The following MGLL variants were observed in gnomAD, a reference collection of about 807,000 sequenced individuals.
MGLL encodes the protein monoglyceride lipase.
Under a neutral mutation model 29.1 loss-of-function variants are expected in MGLL, and 7 were observed. That is an observed-to-expected ratio of 0.24 (90% CI 0.14 to 0.45). The LOEUF is 0.45. Ranked by LOEUF, MGLL falls within the 20% of genes least tolerant of loss-of-function variation. The probability of loss-of-function intolerance (pLI) is 0.99; values close to 1 mark genes in which losing one functional copy is unlikely to be tolerated. For synonymous variants in MGLL, 148 were observed against 168.3 expected, an observed-to-expected ratio of 0.88 and a Z score of 0.93; for missense variants, 356 against 413.6, an observed-to-expected ratio of 0.86 and a Z score of 1.21.
At chr3:127,755,932 T>C (rs139689288) in intron 3 of MGLL, among the ~76,000 whole-genome samples, 1 of 152,320 alleles carries the variant, frequency 6.6e-6, no homozygotes, top group East Asian at 1.9e-4. Flanking sequence ...AGACTGGCAA[T>C]GTGCTTGGGC....
At chr3:127,799,357 A>G (rs1385826310) in intron 2 of MGLL, 1 of 152,164 alleles carries the variant, frequency 6.6e-6, no homozygotes, top group African/African-American at 2.4e-5. Context: ...CCAACTTCGA[A>G]TCTGCACTTT....
intron 6 of MGLL, among the ~76,000 whole-genome samples, chr3:127,698,111 C>A (rs1364610836): frequency 6.6e-6 from 1 of 152,206 alleles, no homozygotes; most frequent in Non-Finnish European, 1.5e-5. Context: ...ATCACGTAGG[C>A]CCTGTTTACA....
intron 3 of MGLL, chr3:127,736,461 G>A (rs752084232): frequency 2.1e-4 from 126 of 601,552 alleles, no homozygotes; most frequent in Non-Finnish European, 6.5e-5. Flanking sequence ...AAATGGCTCC[G>A]CTGCCCTGGA....
At chr3:127,716,156 G>A (rs998475607) in intron 5 of MGLL, among the ~76,000 whole-genome samples, 1 of 152,252 alleles carries the variant, frequency 6.6e-6, no homozygotes, top group Non-Finnish European at 1.5e-5. Context: ...ACAGTCACTA[G>A]ACCCCAACCC....
rs546108427 is a variant in MGLL at position 127,753,504 on chromosome 3, G to A, written c.262+28285C>T. 1.4e-3 allele frequency among the ~76,000 whole-genome samples: 206 copies of A among 152,282 alleles called. 1 individual carries two copies. The Middle Eastern group carries it at 0.017, about 13-fold the overall frequency. ...CTTTGTTCCCACAGTCACATTCCAC[G>A]GATTCTACCAGCGTTTGCTGAGAAC... is the stretch of plus-strand genomic sequence containing the variant. On this transcript the variant is annotated intron_variant, in intron 3 of 7. Transcript: ENST00000265052.
chr3:127,796,012 A>G (rs2077376833), intron 2 of MGLL, among the ~76,000 whole-genome samples: 1 of 152,122 alleles, frequency 6.6e-6, no homozygotes, highest in African/African-American at 2.4e-5. Flanking sequence ...ACATCTTTCC[A>G]TGAACATCTT....
chr3:127,746,914 G>A (rs1236642572), intron 3 of MGLL, among the ~76,000 whole-genome samples: 4 of 152,150 alleles, frequency 2.6e-5, no homozygotes, highest in African/African-American at 9.7e-5. Flanking sequence ...TTTCCTCAGG[G>A]GACGGGGTCT....
In MGLL at chr3:127,822,452, C is replaced by G; in HGVS notation, c.-134G>C. The G allele has an allele frequency of 1.1e-6, 1 of 932,402 alleles. No homozygotes were observed. The highest frequency in any genetic ancestry group is 2.6e-5 in the East Asian group (1 of 38,814). The allele number at this position is 932,402 out of a possible 1,614,324, so 57.8% of individuals were successfully genotyped here. A position where few individuals can be genotyped will look rare whatever the true frequency, so the allele number is the denominator to read the frequency against. On this transcript the variant is annotated 5_prime_UTR_variant, in exon 1 of 8. Coordinates refer to ENST00000265052, the MANE Select transcript of MGLL (RefSeq NM_007283.7). ...CCGAGCCCTCTTCCCGCACCCAGAC[C>G]CTGCCTTTCGGGCTGGGGCGCTCAG...
At chr3:127,754,105 T>C (rs963790634) in intron 3 of MGLL, among the ~76,000 whole-genome samples, 1 of 152,170 alleles carries the variant, frequency 6.6e-6, no homozygotes, top group African/African-American at 2.4e-5. Flanking sequence ...TGCTGCACTC[T>C]ACGGAGGAGG....
chr3:127,715,689 C>T (rs540487537), intron 5 of MGLL: 22 of 456,644 alleles, frequency 4.8e-5, no homozygotes, highest in East Asian at 6.9e-5. Context: ...GCCATTGAGG[C>T]GGCATGACGA....
chr3:127,818,238 T>C (rs1449814147), intron 2 of MGLL, among the ~76,000 whole-genome samples: 5 of 152,184 alleles, frequency 3.3e-5, no homozygotes, highest in Non-Finnish European at 7.4e-5. Context: ...GTTGGGATTA[T>C]AGGCGTGAGC....
intron 3 of MGLL, among the ~76,000 whole-genome samples, chr3:127,754,666 T>C (rs973278270): frequency 1.3e-5 from 2 of 152,192 alleles, no homozygotes; most frequent in Admixed American, 6.5e-5. Flanking sequence ...ACAGGTGTGC[T>C]TCTGAGGCTG....
At chr3:127,712,346 G>C (rs567506702) in intron 5 of MGLL, 9 of 152,326 alleles carry the variant, frequency 5.9e-5, no homozygotes, top group African/African-American at 2.2e-4. Flanking sequence ...TCCTAGGCCC[G>C]CACAAGTGTG....
At chr3:127,772,362 C>T (rs2076964147) in intron 3 of MGLL, among the ~76,000 whole-genome samples, 1 of 152,230 alleles carries the variant, frequency 6.6e-6, no homozygotes, top group Non-Finnish European at 1.5e-5. Flanking sequence ...GCCCATTTTA[C>T]AGATGAGGAG....
intron 4 of MGLL, among the ~76,000 whole-genome samples, chr3:127,722,047 T>C (rs781297796): frequency 1.3e-5 from 2 of 152,260 alleles, no homozygotes; most frequent in African/African-American, 2.4e-5. Flanking sequence ...ACATTTGTCA[T>C]CTGAGTTCAA....
At chr3:127,725,215 G>A (rs184465896) in intron 3 of MGLL, among the ~76,000 whole-genome samples, 2 of 152,276 alleles carry the variant, frequency 1.3e-5, no homozygotes, top group Admixed American at 1.3e-4. Context: ...GGGTGCACTG[G>A]AAATGGACTT....
At chr3:127,692,654 C>T (rs1344752703) in intron 7 of MGLL, among the ~76,000 whole-genome samples, 1 of 152,190 alleles carries the variant, frequency 6.6e-6, no homozygotes, top group Non-Finnish European at 1.5e-5. Flanking sequence ...CCCGGCCTCA[C>T]ATCCTGACCT....
At chr3:127,779,256 A>G (rs2077085040) in intron 3 of MGLL, among the ~76,000 whole-genome samples, 1 of 152,154 alleles carries the variant, frequency 6.6e-6, no homozygotes, top group Non-Finnish European at 1.5e-5. Flanking sequence ...AGTCCCAGCT[A>G]CTCAGGAGGC....
At chr3:127,801,714 T>C (rs1218708165) in intron 2 of MGLL, among the ~76,000 whole-genome samples, 1 of 151,504 alleles carries the variant, frequency 6.6e-6, no homozygotes, top group African/African-American at 2.4e-5. Context: ...AAGTATTTAT[T>C]TCCTTTAAAA....
Sources: allele counts gnomAD v4.1 joint callset (sites outside exome capture counted in the v4.1 genomes callset), GRCh38; gene constraint gnomAD v4.1.1; transcripts MANE v1.5; gene names NCBI Gene and HGNC (gene_info 2026-07-23, HGNC 2026-07-21).